The following ALG1L2 variants were observed in gnomAD, a reference collection of about 807,000 sequenced individuals.
ALG1L2 encodes the protein putative glycosyltransferase ALG1L2.
In ALG1L2, 32 loss-of-function variants were observed where a neutral mutation model predicts 29.0. The ratio of observed to expected loss-of-function variants is 1.10; its 90% CI spans 0.83 to 1.48. The LOEUF (loss-of-function observed/expected upper bound fraction) is 1.48, where lower values mean the gene tolerates loss of function less well. ALG1L2 is among the 40% of genes most tolerant of loss of function. ALG1L2 has a pLI of 0.00. For synonymous variants in ALG1L2, 110 were observed against 109.5 expected (o/e 1.00, Z -0.03); for missense variants, 318 against 274.1 (o/e 1.16, Z -1.13).
intron 6 of ALG1L2, among the ~76,000 whole-genome samples, 187 bp downstream of exon 6, chr3:130,096,350 C>T (rs1935133814): frequency 6.6e-6 from 1 of 152,068 alleles, no homozygotes; most frequent in Non-Finnish European, 1.5e-5. Context: ...GTAGTTGCTT[C>T]CATTTAGAGC....
chr3:130,094,796 T>C (rs1023037110), intron 5 of ALG1L2, among the ~76,000 whole-genome samples: 8 of 152,168 alleles, frequency 5.3e-5, no homozygotes, highest in African/African-American at 1.4e-4. Flanking sequence ...GGGCTGGGCC[T>C]GGGGTTGGGG....
chr3:130,082,124 A>C, intron 1 of ALG1L2, 88 bp downstream of exon 1: 2 of 1,432,792 alleles, frequency 1.4e-6, no homozygotes, highest in South Asian at 2.5e-5. Context: ...ACCCTTGAAG[A>C]AATCAGGGTA....
At chr3:130,084,602 G>C (rs1460947425) in intron 1 of ALG1L2, among the ~76,000 whole-genome samples, 3 of 131,478 alleles carry the variant, frequency 2.3e-5, no homozygotes, top group African/African-American at 5.1e-5. Flanking sequence ...TACGGGAAGG[G>C]CTCAGAATGC....
chr3:130,089,654 CAT>C (rs1934967442), intron 1 of ALG1L2, among the ~76,000 whole-genome samples: 2 of 152,214 alleles, frequency 1.3e-5, no homozygotes, highest in Admixed American at 1.3e-4. Flanking sequence ...TAATATTACA[CAT>C]GTGGATTACA....
At chr3:130,096,482 G>T (rs908293393) in intron 6 of ALG1L2, among the ~76,000 whole-genome samples, 1 of 151,948 alleles carries the variant, frequency 6.6e-6, no homozygotes, top group Non-Finnish European at 1.5e-5. Context: ...ACTTCACTCG[G>T]GGCTTTTGCT....
rs566122189 is a variant in ALG1L2, at chr3:130,093,670, C to T, written c.313+510C>T. ...AACTCCTGACCTCAGGTGATCCACCCGCCTTGGCCTCCCAATATGCTGAAA... is the reference window on the plus strand; with the variant it reads ...AACTCCTGACCTCAGGTGATCCACCTGCCTTGGCCTCCCAATATGCTGAAA... On this transcript the variant is annotated intron_variant, in intron 4 of 7. Coordinates refer to ENST00000425059, the MANE Select transcript of ALG1L2 (RefSeq NM_001136152.1). 2.6e-5 allele frequency among the ~76,000 whole-genome samples: 4 copies of T among 152,252 alleles called. No individual in the cohort carries two copies. In the South Asian group the frequency reaches 6.2e-4, roughly 24 times the overall value.
At chr3:130,097,967 A>G (rs1294383755) in intron 7 of ALG1L2, among the ~76,000 whole-genome samples, 1 of 152,238 alleles carries the variant, frequency 6.6e-6, no homozygotes, top group African/African-American at 2.4e-5. Context: ...GAGGGTGCTC[A>G]CAGGGGAACG....
chr3:130,097,986 G>A (rs568971452), intron 7 of ALG1L2, among the ~76,000 whole-genome samples: 1 of 152,256 alleles, frequency 6.6e-6, no homozygotes, highest in East Asian at 1.9e-4. Flanking sequence ...CGTACATCAT[G>A]TAGAGGCCGG....
chr3:130,092,085 T>A lies in ALG1L2; in HGVS notation c.132-16T>A. On this transcript the variant is annotated splice_polypyrimidine_tract_variant and intron_variant, in intron 2 of 7. Coordinates refer to ENST00000425059, the MANE Select transcript of ALG1L2 (RefSeq NM_001136152.1). ...TGCTCTGTGGCCTCTCACAGGGTTTTTTTCTGCTCCTTCAGCTCAGAACCT... is the reference window on the plus strand; with the variant it reads ...TGCTCTGTGGCCTCTCACAGGGTTTATTTCTGCTCCTTCAGCTCAGAACCT... The A allele has an allele frequency of 1.2e-6, 2 of 1,612,940 alleles. No homozygotes were observed. Among genetic ancestry groups the A allele is most frequent in the Non-Finnish European group, 1.7e-6 (2 of 1,179,660 alleles).
At chr3:130,082,391 G>C (rs1309053990) in intron 1 of ALG1L2, among the ~76,000 whole-genome samples, 1 of 129,570 alleles carries the variant, frequency 7.7e-6, no homozygotes, top group Non-Finnish European at 1.8e-5. Context: ...AGGCTGGAGT[G>C]CACTGGCACC....
chr3:130,093,857 G>A (rs553261965), intron 4 of ALG1L2: 5 of 165,656 alleles, frequency 3.0e-5, no homozygotes, highest in Admixed American at 6.0e-5. Flanking sequence ...GGGAAGAGGC[G>A]GGGTCTGGGC....
At chr3:130,091,135 G>C (rs1417817243) in intron 1 of ALG1L2, 126 bp from the exon 2 acceptor site, 3 of 854,088 alleles carry the variant, frequency 3.5e-6, no homozygotes, top group Non-Finnish European at 5.4e-6. Context: ...AAACCAGGAA[G>C]AAGGAAATAA....
intron 2 of ALG1L2, 28 bp from the exon 3 acceptor site, chr3:130,092,073 C>T: frequency 6.2e-7 from 1 of 1,611,810 alleles, no homozygotes; most frequent in Non-Finnish European, 8.5e-7. Context: ...TCTGTGGCCT[C>T]TCACAGGGTT....
At chr3:130,092,517 G>A (rs961675472) in intron 3 of ALG1L2, among the ~76,000 whole-genome samples, 7 of 152,056 alleles carry the variant, frequency 4.6e-5, no homozygotes, top group African/African-American at 1.7e-4. Flanking sequence ...TGCCTGGTCT[G>A]CAGCATGTTC....
At chr3:130,091,148 G>A (rs754912946) in intron 1 of ALG1L2, 113 bp from the exon 2 acceptor site, 1 of 940,612 alleles carries the variant, frequency 1.1e-6, no homozygotes, top group Non-Finnish European at 1.6e-6. Flanking sequence ...GGAAATAAAG[G>A]TTGTTTTGCT....
chr3:130,094,250 C>G, intron 4 of ALG1L2, 153 bp from the exon 5 acceptor site: 1 of 943,218 alleles, frequency 1.1e-6, no homozygotes, highest in South Asian at 1.4e-5. Context: ...TCCTGAGTTG[C>G]TTCTGGAAAG....
At chr3:130,086,324 C>T (rs1934890265) in intron 1 of ALG1L2, among the ~76,000 whole-genome samples, 2 of 147,226 alleles carry the variant, frequency 1.4e-5, no homozygotes, top group African/African-American at 4.9e-5. Flanking sequence ...CCAGGCATCA[C>T]CTTCACAGAA....
At chr3:130,094,789 C>G (rs1935094833) in intron 5 of ALG1L2, among the ~76,000 whole-genome samples, 1 of 152,100 alleles carries the variant, frequency 6.6e-6, no homozygotes, top group African/African-American at 2.4e-5. Context: ...TGCAAGAGGG[C>G]TGGGCCTGGG....
rs112758312 is a variant in ALG1L2 at position 130,083,930 on chromosome 3, C to T, written c.20+1894C>T. Among the ~76,000 whole-genome samples the T allele has an allele frequency of 6.6e-5, 10 of 151,314 alleles. No homozygotes were observed. In the East Asian group the frequency reaches 1.5e-3, roughly 23 times the overall value. ...GGTACAGGAAGATAGAGGATTTAGGCATGGCTGCAGGGTTTTAAGCTGGTG... is the reference window on the plus strand; with the variant it reads ...GGTACAGGAAGATAGAGGATTTAGGTATGGCTGCAGGGTTTTAAGCTGGTG... On this transcript the variant is annotated intron_variant, in intron 1 of 7. Coordinates refer to ENST00000425059, the MANE Select transcript of ALG1L2 (RefSeq NM_001136152.1).
Sources: allele counts gnomAD v4.1 joint callset (sites outside exome capture counted in the v4.1 genomes callset), GRCh38; gene constraint gnomAD v4.1.1; transcripts MANE v1.5; gene names NCBI Gene and HGNC (gene_info 2026-07-23, HGNC 2026-07-21).